CTNNA2: variants seen among roughly 807,000 people sequenced by gnomAD.
CTNNA2 encodes the protein catenin alpha-2.
In CTNNA2, 42 loss-of-function variants were observed where a neutral mutation model predicts 101.0. That is an observed-to-expected ratio of 0.42 (90% CI 0.32 to 0.54). The LOEUF (loss-of-function observed/expected upper bound fraction) is 0.54, where lower values mean the gene tolerates loss of function less well. Among genes scored for constraint, CTNNA2 ranks in the 20% least tolerant of loss-of-function variants. The pLI, the probability that CTNNA2 is intolerant of heterozygous loss-of-function variation, is 0.14. For missense variants in CTNNA2, 871 were observed against 1,223.1 expected (o/e 0.71, Z 4.29); for synonymous variants, 450 against 456.4 (o/e 0.99, Z 0.18).
chr2:80,043,040 C>CTTCTTTCT (rs1173555945), intron 7 of CTNNA2, among the ~76,000 whole-genome samples: 72 of 52,796 alleles, frequency 1.4e-3, no homozygotes, highest in Middle Eastern at 9.4e-3. Context: ...TCTTTCTTTC[C>CTTCTTTCT]TTCTTTCTTT....
chr2:79,976,396 T>C (rs972795194), intron 7 of CTNNA2, among the ~76,000 whole-genome samples: 11 of 152,296 alleles, frequency 7.2e-5, no homozygotes, highest in African/African-American at 2.6e-4. Flanking sequence ...AACTACCTTC[T>C]GCAGAATGCT....
Position 79,885,767 on chromosome 2 carries a change from T to A in CTNNA2, c.852+11425T>A, listed in dbSNP as rs376845954. Among the ~76,000 whole-genome samples, 3 of 152,198 alleles carry A rather than the reference T, an allele frequency of 2.0e-5. No homozygotes were observed. The South Asian group carries it at 6.2e-4, about 32-fold the overall frequency. The stretch of plus-strand genomic sequence containing the variant: ...CCTTCTATTAATGCTCCATAATAAT[T>A]ATCTCTGCTATGTGTCTGAGAAGTG... On this transcript the variant is annotated intron_variant, in intron 6 of 18. Coordinates refer to ENST00000402739, the MANE Select transcript of CTNNA2 (RefSeq NM_001282597.3).
chr2:80,603,919 G>A, intron 15 of CTNNA2, 155 bp from the exon 16 acceptor site: 2 of 554,334 alleles, frequency 3.6e-6, no homozygotes, highest in Non-Finnish European at 6.3e-6. Context: ...TACTAATATA[G>A]AAACTGGAGT....
chr2:80,121,805 C>A (rs1243624470), intron 7 of CTNNA2, among the ~76,000 whole-genome samples: 2 of 152,106 alleles, frequency 1.3e-5, no homozygotes, highest in Non-Finnish European at 2.9e-5. Flanking sequence ...TACTGAATAT[C>A]CATTATATGG....
chr2:79,250,162 G>T (rs1038002591), intron 2 of CTNNA2, among the ~76,000 whole-genome samples: 5 of 152,190 alleles, frequency 3.3e-5, no homozygotes, highest in African/African-American at 4.8e-5. Flanking sequence ...TTGCAATGAA[G>T]ATTAGGTATG....
chr2:79,309,739 A>G (rs1383905052), intron 2 of CTNNA2, among the ~76,000 whole-genome samples: 2 of 152,136 alleles, frequency 1.3e-5, no homozygotes, highest in African/African-American at 4.8e-5. Flanking sequence ...AGTTTTCCTT[A>G]GAAACTTTAG....
At chr2:79,548,061 C>A (rs907734303) in intron 1 of CTNNA2, 3 of 152,264 alleles carry the variant, frequency 2.0e-5, no homozygotes, top group Non-Finnish European at 2.9e-5. Flanking sequence ...TTATTGCTAT[C>A]ATTGTAGGGT....
At chr2:79,911,673 T>G (rs1411241900) in intron 7 of CTNNA2, among the ~76,000 whole-genome samples, 1 of 152,250 alleles carries the variant, frequency 6.6e-6, no homozygotes, top group African/African-American at 2.4e-5. Flanking sequence ...TATTTTGACA[T>G]GGTTACAGAC....
At chr2:79,826,081 A>G (rs1273233168) in intron 3 of CTNNA2, among the ~76,000 whole-genome samples, 2 of 152,226 alleles carry the variant, frequency 1.3e-5, no homozygotes, top group East Asian at 1.9e-4. Context: ...CTACACAAAA[A>G]GTGGCGTATA....
At chr2:79,789,176 C>A (rs1421475377) in intron 3 of CTNNA2, among the ~76,000 whole-genome samples, 1 of 152,258 alleles carries the variant, frequency 6.6e-6, no homozygotes, top group Non-Finnish European at 1.5e-5. Flanking sequence ...CGAGTCAAAC[C>A]TGTGTGAGTC....
rs572584673 is a variant in CTNNA2, at chr2:79,477,624, C to T, written c.-134-27430C>T. 3.9e-5 allele frequency among the ~76,000 whole-genome samples: 6 copies of T among 152,300 alleles called. No individual in the cohort carries two copies. In the East Asian group the frequency reaches 1.2e-3, roughly 29 times the overall value. ...TTCCTAGGCAGTTTTTTCTGTCTCA[C>T]AGCTCAATGGTGCCTTTGGTGGCCC... On this transcript the variant is annotated intron_variant, in intron 4 of 21. Transcript: ENST00000466387.
Position 79,874,141 on chromosome 2 carries a change from C to T in CTNNA2, c.651C>T (p.Ala217=). 6.2e-7 allele frequency: 1 copy of T among 1,614,218 alleles called. No individual in the cohort carries two copies. The highest frequency in any genetic ancestry group is 8.5e-7 in the Non-Finnish European group (1 of 1,180,046). ...CCCGAGGGGCTCTGAAGAAGAATGC[C>T]ACAATGCTGTACACGGCCTCTCAAG... is the stretch of plus-strand genomic sequence containing the variant. ...AAARGALKKN[A]TMLYTASQAF... The change falls in exon 6 of 19, where the codon GCC becomes GCT. Residue 217 remains alanine (A), a synonymous_variant. Coordinates refer to ENST00000402739, the MANE Select transcript of CTNNA2 (RefSeq NM_001282597.3).
chr2:79,883,541 T>C (rs1683608744), intron 6 of CTNNA2, among the ~76,000 whole-genome samples: 1 of 152,178 alleles, frequency 6.6e-6, no homozygotes, highest in African/African-American at 2.4e-5. Context: ...GATGGTCAAT[T>C]TTAATCTAGT....
intron 2 of CTNNA2, among the ~76,000 whole-genome samples, chr2:79,198,783 A>G (rs1673995552): frequency 7.6e-6 from 1 of 131,930 alleles, no homozygotes; most frequent in African/African-American, 2.8e-5. Context: ...CCAACTATTC[A>G]TTTTATAAAT....
At chr2:80,053,350 G>A (rs1055611293) in intron 7 of CTNNA2, among the ~76,000 whole-genome samples, 23 of 152,126 alleles carry the variant, frequency 1.5e-4, no homozygotes, top group African/African-American at 5.6e-4. Context: ...GGTAAATAAT[G>A]GCAACACAAC....
At chr2:80,122,248 T>C (rs1037913955) in intron 7 of CTNNA2, among the ~76,000 whole-genome samples, 2 of 151,180 alleles carry the variant, frequency 1.3e-5, no homozygotes, top group African/African-American at 4.9e-5. Context: ...CTATCTCTCT[T>C]CCCTCTCTCT....
chr2:80,565,251 T>C (rs562076757), intron 12 of CTNNA2, among the ~76,000 whole-genome samples: 5 of 152,112 alleles, frequency 3.3e-5, no homozygotes, highest in Admixed American at 6.6e-5. Flanking sequence ...GAGGTCATAA[T>C]GGAACACCAT....
In CTNNA2 at chr2:79,338,575, A is replaced by ATCTTCTTTTTCCTCTTCTTCT. The variant is rs1239699778; in HGVS notation, c.-318+25781_-318+25782insTTCTTTTTCCTCTTCTTCTTC. ...ATTTTTCTTCTTCTTCTTCCTCCTC[A>ATCTTCTTTTTCCTCTTCTTCT]TCATCTTCTTCTTCTTCTTCTTCTT... On this transcript the variant is annotated intron_variant, in intron 3 of 21. Transcript: ENST00000466387. Among the ~76,000 whole-genome samples the ATCTTCTTTTTCCTCTTCTTCT allele has an allele frequency of 7.3e-3, 847 of 115,506 alleles. 21 individuals are homozygous for ATCTTCTTTTTCCTCTTCTTCT. Among genetic ancestry groups the ATCTTCTTTTTCCTCTTCTTCT allele is most frequent in the East Asian group, 0.037 (151 of 4,032 alleles). The allele number at this position is 115,506 out of a possible 152,430, so 75.8% of individuals were successfully genotyped here.
intron 7 of CTNNA2, among the ~76,000 whole-genome samples, chr2:80,058,520 T>C (rs1572964450): frequency 1.3e-5 from 2 of 152,324 alleles, no homozygotes; most frequent in East Asian, 3.9e-4. Context: ...TTTAAAATGA[T>C]TTTTGTTCTG....
Sources: allele counts gnomAD v4.1 joint callset (sites outside exome capture counted in the v4.1 genomes callset), GRCh38; gene constraint gnomAD v4.1.1; transcripts MANE v1.5; gene names NCBI Gene and HGNC (gene_info 2026-07-23, HGNC 2026-07-21).